PTPRM: variants seen among roughly 807,000 people sequenced by gnomAD.
The protein encoded by PTPRM is protein tyrosine phosphatase receptor type M.
A neutral mutation model predicts 186.7 loss-of-function variants in PTPRM; 47 were observed. That is an observed-to-expected ratio of 0.25 (90% CI 0.20 to 0.32). The LOEUF is 0.32. Ranked by LOEUF, PTPRM falls within the 10% of genes least tolerant of loss-of-function variation. The pLI is 1.00. For synonymous variants in PTPRM, 668 were observed against 674.9 expected (o/e 0.99, Z 0.16); for missense variants, 1,494 against 1,865.0 (o/e 0.80, Z 3.66).
At chr18:8,102,958 T>C (rs1169978729) in intron 11 of PTPRM, among the ~76,000 whole-genome samples, 1 of 152,248 alleles carries the variant, frequency 6.6e-6, no homozygotes, top group Non-Finnish European at 1.5e-5. Flanking sequence ...ATTCATCCCA[T>C]GTACGTCTCC....
At chr18:8,356,365 C>T (rs557589477) in intron 23 of PTPRM, among the ~76,000 whole-genome samples, 29 of 152,280 alleles carry the variant, frequency 1.9e-4, no homozygotes, top group African/African-American at 5.1e-4. Context: ...GGGAAGTGGA[C>T]GGAGTCTTTG....
intron 7 of PTPRM, among the ~76,000 whole-genome samples, chr18:8,010,435 G>A (rs2084455657): frequency 6.6e-6 from 1 of 152,178 alleles, no homozygotes; most frequent in African/African-American, 2.4e-5. Flanking sequence ...CCTCAGAAAT[G>A]TCCTGTTCCC....
intron 2 of PTPRM, among the ~76,000 whole-genome samples, chr18:7,800,902 T>C (rs962674066): frequency 6.6e-6 from 1 of 152,102 alleles, no homozygotes; most frequent in Non-Finnish European, 1.5e-5. Flanking sequence ...TCTAAACATA[T>C]GATGGCATAG....
chr18:8,240,149 G>T (rs2094398753), intron 14 of PTPRM, among the ~76,000 whole-genome samples: 1 of 152,100 alleles, frequency 6.6e-6, no homozygotes, highest in Admixed American at 6.5e-5. Context: ...AAGAAAAAGA[G>T]AGAAACAAAC....
At chr18:8,206,491 G>A (rs2093933262) in intron 14 of PTPRM, among the ~76,000 whole-genome samples, 1 of 152,000 alleles carries the variant, frequency 6.6e-6, no homozygotes, top group Non-Finnish European at 1.5e-5. Flanking sequence ...CTCATCATCT[G>A]CCCGCCTCAG....
At chr18:8,366,909 G>T (rs752129735) in intron 23 of PTPRM, 1 of 152,248 alleles carries the variant, frequency 6.6e-6, no homozygotes, top group Non-Finnish European at 1.5e-5. Flanking sequence ...TGCAGGTAGC[G>T]CTGGGCTGCA....
intron 10 of PTPRM, among the ~76,000 whole-genome samples, chr18:8,087,980 C>T (rs551780996): frequency 1.6e-3 from 251 of 152,204 alleles, no homozygotes; most frequent in Non-Finnish European, 2.8e-3. Context: ...AAGGAAGATG[C>T]TGGAAACTGG....
At chr18:7,877,246 A>G (rs1001661550) in intron 2 of PTPRM, among the ~76,000 whole-genome samples, 105 of 152,312 alleles carry the variant, frequency 6.9e-4, no homozygotes, top group African/African-American at 2.5e-3. Flanking sequence ...AAATCACACT[A>G]GGAGATTTTT....
chr18:7,841,034 A>T (rs2046295043), intron 2 of PTPRM, among the ~76,000 whole-genome samples: 1 of 152,184 alleles, frequency 6.6e-6, no homozygotes, highest in South Asian at 2.1e-4. Context: ...TCATTATTTT[A>T]TAGTCACATA....
intron 13 of PTPRM, among the ~76,000 whole-genome samples, chr18:8,125,379 TAAG>T (rs1285975225): frequency 2.0e-5 from 3 of 152,050 alleles, no homozygotes; most frequent in Non-Finnish European, 4.4e-5. Context: ...CAATCAATGA[TAAG>T]AAATACATAA....
At chr18:8,325,397 C>T (rs11872468) in intron 22 of PTPRM, among the ~76,000 whole-genome samples, 9,986 of 152,266 alleles carry the variant, frequency 0.066, 357 homozygotes, top group East Asian at 0.089. Context: ...CTCTCACTAA[C>T]AAGTGAGAAC....
chr18:8,176,404 C>A (rs1483877203), intron 14 of PTPRM, among the ~76,000 whole-genome samples: 2 of 152,166 alleles, frequency 1.3e-5, no homozygotes, highest in Non-Finnish European at 2.9e-5. Context: ...TAAGTCCTTT[C>A]CACATCTCTC....
chr18:7,879,804 T>C (rs2048413086), intron 2 of PTPRM, among the ~76,000 whole-genome samples: 1 of 152,190 alleles, frequency 6.6e-6, no homozygotes, highest in Non-Finnish European at 1.5e-5. Flanking sequence ...TGTAGAATGA[T>C]CCATGCCAGG....
chr18:7,752,488 A>G (rs1283295807), intron 1 of PTPRM, among the ~76,000 whole-genome samples: 2 of 152,132 alleles, frequency 1.3e-5, no homozygotes, highest in African/African-American at 4.8e-5. Context: ...CGATGGCGTG[A>G]TCTCGGCTCA....
At chr18:8,304,437 G>A (rs1181416865) in intron 20 of PTPRM, among the ~76,000 whole-genome samples, 1 of 152,094 alleles carries the variant, frequency 6.6e-6, no homozygotes, top group Non-Finnish European at 1.5e-5. Flanking sequence ...AGGTCTTTAT[G>A]TGCCTGTTTC....
At chr18:8,383,025 C>T (rs1210286129) in intron 29 of PTPRM, among the ~76,000 whole-genome samples, 3 of 152,134 alleles carry the variant, frequency 2.0e-5, no homozygotes, top group Admixed American at 6.5e-5. Context: ...TGCGGCCAGG[C>T]GCAGTGGCTC....
At chr18:7,787,341 C>T (rs1430878237) in intron 2 of PTPRM, among the ~76,000 whole-genome samples, 1 of 152,108 alleles carries the variant, frequency 6.6e-6, no homozygotes, top group African/African-American at 2.4e-5. Flanking sequence ...AAGAGATAGC[C>T]CCTGTGGTTG....
chr18:8,152,646 T>A (rs2146249015), intron 14 of PTPRM, among the ~76,000 whole-genome samples: 1 of 152,118 alleles, frequency 6.6e-6, no homozygotes, highest in African/African-American at 2.4e-5. Context: ...TTTCTCTCTT[T>A]ATTTCCTTTT....
chr18:7,719,953 A>T (rs2144850016), intron 1 of PTPRM, among the ~76,000 whole-genome samples: 1 of 152,184 alleles, frequency 6.6e-6, no homozygotes, highest in South Asian at 2.1e-4. Flanking sequence ...GTCCCAAACT[A>T]CTCGTTAGAC....
Sources: allele counts gnomAD v4.1 joint callset (sites outside exome capture counted in the v4.1 genomes callset), GRCh38; gene constraint gnomAD v4.1.1; transcripts MANE v1.5; gene names NCBI Gene and HGNC (gene_info 2026-07-23, HGNC 2026-07-21).